STAT5A: variants seen among roughly 807,000 people sequenced by gnomAD.
STAT5A encodes signal transducer and activator of transcription 5A.
In STAT5A, 26 loss-of-function variants were observed where a neutral mutation model predicts 100.2. The observed-to-expected ratio is 0.26, with a 90% CI of 0.19 to 0.36. The LOEUF (loss-of-function observed/expected upper bound fraction) is 0.36. Ranked by LOEUF, STAT5A falls within the 10% of genes least tolerant of loss-of-function variation. The pLI is 1.00. For missense variants in STAT5A, 634 were observed against 1,027.5 expected (o/e 0.62, Z 5.24); for synonymous variants, 330 against 424.3 (o/e 0.78, Z 2.73).
intron 12 of STAT5A, chr17:42,306,025 G>A: frequency 1.3e-6 from 1 of 762,494 alleles, no homozygotes; most frequent in Admixed American, 2.7e-5. Flanking sequence ...GTCCCTGCAT[G>A]CCCCCACCCC....
In STAT5A at chr17:42,301,474, C is replaced by A; in HGVS notation, c.1169+20C>A. 1 of 1,613,846 alleles carries A rather than the reference C, an allele frequency of 6.2e-7. No homozygotes were observed. The highest frequency in any genetic ancestry group is 8.5e-7 in the Non-Finnish European group (1 of 1,179,824). ...CCGCAAGTAATTGTGCCTCTCCCTT[C>A]CCCTGCCCAAGCTTAGGTGTGGGGG... On this transcript the variant is annotated intron_variant, in intron 9 of 18. Coordinates refer to ENST00000590949, the MANE Select transcript of STAT5A (RefSeq NM_001288718.2).
intron 5 of STAT5A, among the ~76,000 whole-genome samples, chr17:42,298,253 C>T (rs116810403): frequency 0.045 from 6,765 of 151,900 alleles, 490 homozygotes; most frequent in African/African-American, 0.15. Context: ...CCTTTAACCC[C>T]GGGTTCAAGC....
chr17:42,306,666 G>A (rs200141279), intron 13 of STAT5A, among the ~76,000 whole-genome samples: 1 of 151,940 alleles, frequency 6.6e-6, no homozygotes, highest in African/African-American at 2.4e-5. Flanking sequence ...ATGACGGAGG[G>A]CCCAGGGCTG....
At chr17:42,297,600 T>C (rs28727898) in intron 5 of STAT5A, among the ~76,000 whole-genome samples, 50,907 of 149,532 alleles carry the variant, frequency 0.34, 9,658 homozygotes, top group African/African-American at 0.51. Context: ...GCCTCCTTCC[T>C]AAAAGCTTCT....
At chr17:42,295,476 G>C in intron 4 of STAT5A, 143 bp from the exon 5 acceptor site, 1 of 826,964 alleles carries the variant, frequency 1.2e-6, no homozygotes. Flanking sequence ...TGATGCAAAT[G>C]ATCCTTCCTT....
At position 42,295,628 on chromosome 17, in the gene STAT5A, C is replaced by T; in HGVS notation, c.385C>T (p.Pro129Ser). Residue 129 changes from proline to serine, a missense_variant, in exon 5 of 19, where the codon CCG becomes TCG. Physicochemically the swap from Pro to Ser is moderately conservative, Grantham distance 74. Around this residue, in one of 5 missense-constraint regions of STAT5A, gnomAD observed 207 missense variants for 256.6 expected, o/e 0.81. Coordinates refer to ENST00000590949, the MANE Select transcript of STAT5A (RefSeq NM_001288718.2). The stretch of plus-strand genomic sequence containing the variant: ...TTCCATCTGTCTCCAGTGCAGCTCT[C>T]CGGCTGGGATCCTGGTTGACGCCAT... The part of the protein sequence containing the change: ...LVREANNCSS[P>S]AGILVDAMSQ... 1 of 1,613,438 alleles carries T rather than the reference C, an allele frequency of 6.2e-7. No homozygotes were observed. The highest frequency in any genetic ancestry group is 8.5e-7 in the Non-Finnish European group (1 of 1,179,748).
At position 42,290,016 on chromosome 17, in the gene STAT5A, G is replaced by A; in HGVS notation, c.279G>A (p.Gln93=). 1.2e-6 allele frequency: 2 copies of A among 1,612,116 alleles called. No homozygotes were observed. The highest frequency in any genetic ancestry group is 1.7e-6 in the Non-Finnish European group (2 of 1,179,204). The change falls in exon 3 of 19, where the codon CAG becomes CAA. Residue 93 remains glutamine, a synonymous_variant. Coordinates refer to ENST00000590949, the MANE Select transcript of STAT5A (RefSeq NM_001288718.2). ...TCAAGCTGGGGCACTACGCCACGCA[G>A]CTCCAGGTGGGTGTAGGCTCTGGGC... ...LKIKLGHYAT[Q]LQKTYDRCPL...
At chr17:42,293,209 G>T (rs1195517450) in intron 4 of STAT5A, among the ~76,000 whole-genome samples, 1 of 152,104 alleles carries the variant, frequency 6.6e-6, no homozygotes, top group African/African-American at 2.4e-5. Context: ...TTGTTTGTTT[G>T]TTTATTTATT....
At chr17:42,310,359 A>G in intron 18 of STAT5A, 148 bp from the exon 19 acceptor site, 1 of 764,044 alleles carries the variant, frequency 1.3e-6, no homozygotes, top group South Asian at 1.7e-5. Flanking sequence ...ACTGCTACCC[A>G]GCTTGGGGTG....
intron 9 of STAT5A, among the ~76,000 whole-genome samples, chr17:42,302,324 A>T (rs902548719): frequency 2.6e-5 from 4 of 152,228 alleles, no homozygotes; most frequent in African/African-American, 9.6e-5. Context: ...CTGATGGTGT[A>T]GCCATGTGGC....
At chr17:42,302,952 A>T (rs59840797) in intron 9 of STAT5A, among the ~76,000 whole-genome samples, 2 of 134,158 alleles carry the variant, frequency 1.5e-5, no homozygotes. Flanking sequence ...GACTCTGTTT[A>T]AAAAAAAAAA....
intron 5 of STAT5A, among the ~76,000 whole-genome samples, chr17:42,298,405 CCTGT>C (rs1405348655): frequency 6.6e-6 from 1 of 151,852 alleles, no homozygotes; most frequent in Non-Finnish European, 1.5e-5. Flanking sequence ...AAGTGATCTG[CCTGT>C]CTCAGCCTCC....
chr17:42,301,898 G>A (rs984359483), intron 9 of STAT5A, among the ~76,000 whole-genome samples: 2 of 152,212 alleles, frequency 1.3e-5, no homozygotes, highest in African/African-American at 2.4e-5. Flanking sequence ...GCTAGATGCC[G>A]TGGCTTACCC....
At chr17:42,303,987 A>G (rs1439996736) in intron 9 of STAT5A, among the ~76,000 whole-genome samples, 1 of 152,020 alleles carries the variant, frequency 6.6e-6, no homozygotes, top group South Asian at 2.1e-4. Context: ...CAGTGAGGCC[A>G]GGGGGGTGGG....
intron 5 of STAT5A, 49 bp downstream of exon 5, chr17:42,295,842 C>T (rs1300046448): frequency 1.3e-5 from 20 of 1,598,834 alleles, no homozygotes; most frequent in Non-Finnish European, 1.6e-5. Context: ...GAGTGAGGAA[C>T]ATTCTATGGA....
intron 12 of STAT5A, chr17:42,305,970 C>T (rs1310486979): frequency 3.1e-6 from 2 of 647,850 alleles, no homozygotes; most frequent in Non-Finnish European, 5.2e-6. Context: ...TGGCAGATGG[C>T]TTGGGTCCTT....
At chr17:42,296,014 G>A (rs887206860) in intron 5 of STAT5A, among the ~76,000 whole-genome samples, 2 of 152,134 alleles carry the variant, frequency 1.3e-5, no homozygotes, top group African/African-American at 4.8e-5. Flanking sequence ...GAACAGTTGT[G>A]TTATCCCCCC....
At chr17:42,298,678 A>G (rs1177578025) in intron 5 of STAT5A, among the ~76,000 whole-genome samples, 1 of 151,302 alleles carries the variant, frequency 6.6e-6, no homozygotes, top group Non-Finnish European at 1.5e-5. Context: ...TCACTGTGTT[A>G]GCCAGGATGG....
At position 42,310,492 on chromosome 17, in the gene STAT5A, C is replaced by A. The variant is rs763242281; in HGVS notation, c.2223-15C>A. The A allele has an allele frequency of 3.1e-6, 5 of 1,613,990 alleles. No homozygotes were observed. Among genetic ancestry groups the A allele is most frequent in the Non-Finnish European group, 2.5e-6 (3 of 1,179,926 alleles). ...GACATGCCAGCTCCCTCTGACATCCCCCTGTCTTTACCAGCCCTGACCATG... is the reference window on the plus strand; with the variant it reads ...GACATGCCAGCTCCCTCTGACATCCACCTGTCTTTACCAGCCCTGACCATG... On this transcript the variant is annotated splice_polypyrimidine_tract_variant and intron_variant, in intron 18 of 18. Transcript: ENST00000590949.
Sources: allele counts gnomAD v4.1 joint callset (sites outside exome capture counted in the v4.1 genomes callset), GRCh38; gene constraint gnomAD v4.1.1; regional missense constraint gnomAD v4.1.1; transcripts MANE v1.5; gene names NCBI Gene and HGNC (gene_info 2026-07-23, HGNC 2026-07-21).